The following GPR161 variants were observed in gnomAD, a reference collection of about 807,000 sequenced individuals.
The protein encoded by GPR161 is G-protein coupled receptor RE2.
In GPR161, 25 loss-of-function variants were observed where a neutral mutation model predicts 39.2. The ratio of observed to expected loss-of-function variants is 0.64; its 90% confidence interval spans 0.47 to 0.89. The LOEUF is 0.89. GPR161 is among the 40% of genes least tolerant of loss of function. The pLI is 0.00. For synonymous variants in GPR161, 286 were observed against 276.6 expected (o/e 1.03, Z -0.34); for missense variants, 547 against 677.8 (o/e 0.81, Z 2.14).
At position 168,136,591 on chromosome 1, in the gene GPR161, CGCGGGGAGAAAGGGAGCGCCGTGGGG is replaced by C. The variant is rs1223464722; in HGVS notation, c.-45+122_-45+147del. 7.2e-5 allele frequency: 89 copies of C among 1,233,942 alleles called. No individual in the cohort carries two copies. The African/African-American group carries it at 1.3e-3, about 18-fold the overall frequency. The allele number at this position is 1,233,942 out of a possible 1,614,324, so 76.4% of individuals were successfully genotyped here. ...GGACAGCCCTGACCTCCGAGAGGGG[CGCGGGGAGAAAGGGAGCGCCGTGGGG>C]GCGGGGACCCTTCCCGGCCCGCGCC... On this transcript the variant is annotated intron_variant, in intron 1 of 5. Transcript: ENST00000682931.
rs1694175947 is a variant in GPR161 at position 168,082,926 on chromosome 1, A to G, written c.*2605T>C. 6.6e-6 allele frequency: 1 copy of G among 152,238 alleles called. No homozygotes were observed. Among genetic ancestry groups the G allele is most frequent in the Non-Finnish European group, 1.5e-5 (1 of 68,082 alleles). The allele number at this position is 152,238 out of a possible 1,614,324, so 9.4% of individuals were successfully genotyped here. ...CTTCTCTCTTTCTCTCTAGCTGAAT[A>G]AAGGCAAATTTGAATTCCTGAATAT... is the stretch of plus-strand genomic sequence containing the variant. On this transcript the variant is annotated 3_prime_UTR_variant, in exon 6 of 6. Coordinates refer to ENST00000682931, the MANE Select transcript of GPR161 (RefSeq NM_001375883.1).
rs968833148 is a variant in GPR161 at position 168,084,646 on chromosome 1, T to C, written c.*885A>G. ...ACTCAAACATCACACATAGAATCTA[T>C]TTAATGAGGCTTTCCCATGTGAACA... is the stretch of plus-strand genomic sequence containing the variant. On this transcript the variant is annotated 3_prime_UTR_variant, in exon 6 of 6. Coordinates refer to ENST00000682931, the MANE Select transcript of GPR161 (RefSeq NM_001375883.1). 5.5e-6 allele frequency: 2 copies of C among 365,368 alleles called. No individual in the cohort carries two copies. Among genetic ancestry groups the C allele is most frequent in the Non-Finnish European group, 1.1e-5 (2 of 188,068 alleles). The allele number at this position is 365,368 out of a possible 1,614,324, so 22.6% of individuals were successfully genotyped here.
At chr1:168,107,180 G>A (rs968207623) in intron 1 of GPR161, among the ~76,000 whole-genome samples, 14 of 151,786 alleles carry the variant, frequency 9.2e-5, no homozygotes, top group Non-Finnish European at 1.8e-4. Context: ...CAGATAAAAA[G>A]CTAATCATCC....
chr1:168,111,604 G>C (rs915989658), intron 1 of GPR161, among the ~76,000 whole-genome samples: 1 of 152,174 alleles, frequency 6.6e-6, no homozygotes, highest in Non-Finnish European at 1.5e-5. Flanking sequence ...AAGAAAGGCT[G>C]GTCCTTGGGC....
intron 2 of GPR161, among the ~76,000 whole-genome samples, chr1:168,101,976 G>C (rs1193235511): frequency 1.3e-5 from 2 of 151,940 alleles, no homozygotes; most frequent in Non-Finnish European, 2.9e-5. Context: ...GCTAATTTTT[G>C]TATTTTAGTA....
chr1:168,122,349 T>C (rs577376045), intron 1 of GPR161, among the ~76,000 whole-genome samples: 1 of 152,290 alleles, frequency 6.6e-6, no homozygotes, highest in Admixed American at 6.5e-5. Flanking sequence ...CTACCACCAC[T>C]CTGGTCCAGG....
Position 168,080,428 on chromosome 1 carries a change from C to T in GPR161, c.*5103G>A, listed in dbSNP as rs1693981504. The stretch of plus-strand genomic sequence containing the variant: ...GCCCTGGATTCTGTGTCCCCTCTCC[C>T]AACCCACAAGGACAGTATGGCTCTG... On this transcript the variant is annotated 3_prime_UTR_variant, in exon 6 of 6. Coordinates refer to ENST00000682931, the MANE Select transcript of GPR161 (RefSeq NM_001375883.1). The T allele has an allele frequency of 6.6e-6, 1 of 152,270 alleles. No individual in the cohort carries two copies. Among genetic ancestry groups the T allele is most frequent in the South Asian group, 2.1e-4 (1 of 4,830 alleles). The allele number at this position is 152,270 out of a possible 1,614,324, so 9.4% of individuals were successfully genotyped here.
chr1:168,089,179 G>A (rs1460425141), intron 4 of GPR161: 1 of 151,162 alleles, frequency 6.6e-6, no homozygotes, highest in Non-Finnish European at 1.5e-5. Flanking sequence ...AGGCAGGAAC[G>A]TGGCAAATAA....
intron 1 of GPR161, among the ~76,000 whole-genome samples, chr1:168,113,810 C>A (rs773337998): frequency 4.6e-5 from 7 of 152,058 alleles, no homozygotes; most frequent in Non-Finnish European, 1.0e-4. Context: ...GAACAACAGG[C>A]ACTAAGGCCT....
In GPR161 at chr1:168,080,625, A is replaced by C. The variant is rs1176002216; in HGVS notation, c.*4906T>G. 3 of 152,258 alleles carry C rather than the reference A, an allele frequency of 2.0e-5. No homozygotes were observed. Among genetic ancestry groups the C allele is most frequent in the African/African-American group, 7.2e-5 (3 of 41,426 alleles). 9.4% of individuals were successfully genotyped at this position (152,258 alleles called of 1,614,324 possible). ...GAGGATTAGGGATTCTGTGAACCCA[A>C]GAGCCACAGCCAGGCAGTCACTCTG... On this transcript the variant is annotated 3_prime_UTR_variant, in exon 6 of 6. Coordinates refer to ENST00000682931, the MANE Select transcript of GPR161 (RefSeq NM_001375883.1).
intron 4 of GPR161, chr1:168,089,357 G>C (rs1694841768): frequency 6.6e-6 from 1 of 152,222 alleles, no homozygotes; most frequent in Non-Finnish European, 1.5e-5. Flanking sequence ...ATGACTCCGT[G>C]TGGTGCGGGG....
intron 1 of GPR161, among the ~76,000 whole-genome samples, chr1:168,130,286 G>A (rs941242905): frequency 1.8e-4 from 27 of 152,146 alleles, no homozygotes; most frequent in Non-Finnish European, 1.5e-5. Flanking sequence ...GTGGACACAT[G>A]ACCTATGCCT....
At chr1:168,112,685 C>T (rs936511838) in intron 1 of GPR161, among the ~76,000 whole-genome samples, 1 of 151,402 alleles carries the variant, frequency 6.6e-6, no homozygotes, top group Admixed American at 6.6e-5. Flanking sequence ...GGTGAAACTC[C>T]ATCTCTACGA....
chr1:168,131,109 A>G (rs932875206), intron 1 of GPR161, among the ~76,000 whole-genome samples: 4 of 152,130 alleles, frequency 2.6e-5, no homozygotes, highest in Admixed American at 2.0e-4. Flanking sequence ...ACTAGTTCTC[A>G]GTCAAAACTT....
Position 168,083,643 on chromosome 1 carries a change from A to T in GPR161, c.*1888T>A, listed in dbSNP as rs899928686. 2 of 152,272 alleles carry T rather than the reference A, an allele frequency of 1.3e-5. No individual in the cohort carries two copies. Among genetic ancestry groups the T allele is most frequent in the African/African-American group, 2.4e-5 (1 of 41,454 alleles). 9.4% of individuals were successfully genotyped at this position (152,272 alleles called of 1,614,324 possible). On this transcript the variant is annotated 3_prime_UTR_variant, in exon 6 of 6. Coordinates refer to ENST00000682931, the MANE Select transcript of GPR161 (RefSeq NM_001375883.1). ...GAATGCCATCCAGTGATGGAAGCAGAGTGTCTGACCTGCACAGGTGAACCT... is the reference window on the plus strand; with the variant it reads ...GAATGCCATCCAGTGATGGAAGCAGTGTGTCTGACCTGCACAGGTGAACCT...
chr1:168,123,549 C>T (rs1056786777), intron 1 of GPR161, among the ~76,000 whole-genome samples: 1 of 147,028 alleles, frequency 6.8e-6, no homozygotes, highest in Non-Finnish European at 1.5e-5. Context: ...CACACACACA[C>T]ACACACACAC....
chr1:168,134,969 C>G, intron 1 of GPR161: 5 of 1,535,696 alleles, frequency 3.3e-6, no homozygotes, highest in Non-Finnish European at 4.4e-6. Context: ...GGAACCCAAA[C>G]AGAGAGCTCG....
intron 1 of GPR161, among the ~76,000 whole-genome samples, chr1:168,131,117 C>A (rs541025500): frequency 4.6e-5 from 7 of 152,246 alleles, no homozygotes; most frequent in Admixed American, 4.6e-4. Flanking sequence ...TCAGTCAAAA[C>A]TTCATCCTCA....
At position 168,104,338 on chromosome 1, in the gene GPR161, A is replaced by G. The variant is rs529576392; in HGVS notation, c.374+139T>C. On this transcript the variant is annotated intron_variant, in intron 2 of 5. Transcript: ENST00000682931. ...GCTTTGGTTGAAGAGATGGCTCCAG[A>G]GGCAGAACTCCACCTGGTCATCCTC... 9.9e-5 allele frequency: 64 copies of G among 643,240 alleles called. No individual in the cohort carries two copies. In the African/African-American group the frequency reaches 1.1e-3, roughly 11 times the overall value. 39.8% of individuals were successfully genotyped at this position (643,240 alleles called of 1,614,324 possible). A position where few individuals can be genotyped will look rare whatever the true frequency, so the allele number is the denominator to read the frequency against.
Sources: gnomAD v4.1 joint callset for allele counts (sites outside exome capture counted in the v4.1 genomes callset) on GRCh38, gnomAD v4.1.1 for gene constraint, MANE v1.5 for transcripts, NCBI Gene and HGNC (gene_info 2026-07-23, HGNC 2026-07-21) for gene names.